The following DLG2 variants were observed in gnomAD, a reference collection of about 807,000 sequenced individuals.
The protein encoded by DLG2 is discs large MAGUK scaffold protein 2.
A neutral mutation model predicts 132.5 loss-of-function variants in DLG2; 45 were observed. The observed-to-expected ratio is 0.34, with a 90% CI of 0.27 to 0.44. DLG2 has a LOEUF of 0.44. Among genes scored for constraint, DLG2 ranks in the 20% least tolerant of loss-of-function variants. The pLI, the probability that DLG2 is intolerant of heterozygous loss-of-function variation, is 1.00. For missense variants in DLG2, 1,045 were observed against 1,196.9 expected, an observed-to-expected ratio of 0.87 and a Z score of 1.87; for synonymous variants, 424 against 419.6, an observed-to-expected ratio of 1.01 and a Z score of -0.13.
chr11:85,366,661 A>AT (rs1294136862), intron 3 of DLG2, among the ~76,000 whole-genome samples: 1 of 152,110 alleles, frequency 6.6e-6, no homozygotes, highest in Non-Finnish European at 1.5e-5. Flanking sequence ...ATATCTCAGA[A>AT]TTTTTGGGGG....
At chr11:83,515,455 T>C (rs2095258194) in intron 21 of DLG2, among the ~76,000 whole-genome samples, 1 of 152,210 alleles carries the variant, frequency 6.6e-6, no homozygotes. Flanking sequence ...TCGATTTTGT[T>C]GATCTTTTCA....
chr11:83,605,390 A>G (rs2059196269), intron 19 of DLG2, among the ~76,000 whole-genome samples: 1 of 152,234 alleles, frequency 6.6e-6, no homozygotes, highest in Admixed American at 6.5e-5. Flanking sequence ...AGAAAAAAAC[A>G]AAACACGTAA....
At chr11:84,596,234 C>A (rs1359118548) in intron 6 of DLG2, among the ~76,000 whole-genome samples, 1 of 150,520 alleles carries the variant, frequency 6.6e-6, no homozygotes, top group East Asian at 2.0e-4. Context: ...CTTGACGGAG[C>A]TTTGCTCTTA....
chr11:83,492,880 G>T (rs945877627), intron 21 of DLG2, among the ~76,000 whole-genome samples: 1 of 151,936 alleles, frequency 6.6e-6, no homozygotes, highest in Non-Finnish European at 1.5e-5. Flanking sequence ...ACCTATTCCT[G>T]CTGCACTTTA....
At chr11:84,910,691 T>A (rs1021032493) in intron 6 of DLG2, among the ~76,000 whole-genome samples, 3 of 152,032 alleles carry the variant, frequency 2.0e-5, no homozygotes, top group African/African-American at 7.3e-5. Flanking sequence ...GGCAGGAGGA[T>A]AGTTTGAGCC....
At chr11:84,062,926 A>C (rs764898266) in intron 10 of DLG2, among the ~76,000 whole-genome samples, 13 of 152,100 alleles carry the variant, frequency 8.5e-5, no homozygotes, top group Admixed American at 6.6e-4. Context: ...CCAGTAGATA[A>C]ACTTTGTGAG....
intron 8 of DLG2, among the ~76,000 whole-genome samples, chr11:84,227,541 T>C (rs1437550704): frequency 1.2e-4 from 19 of 152,202 alleles, no homozygotes; most frequent in Admixed American, 1.2e-3. Flanking sequence ...TATATTAAAC[T>C]ATAATCATCT....
At chr11:85,088,692 A>G (rs1353995702) in intron 6 of DLG2, among the ~76,000 whole-genome samples, 2 of 152,206 alleles carry the variant, frequency 1.3e-5, no homozygotes, top group African/African-American at 4.8e-5. Context: ...CGTTCCCAGT[A>G]TGGAATGTCT....
At chr11:84,206,225 G>A (rs1272508162) in intron 8 of DLG2, among the ~76,000 whole-genome samples, 1 of 152,000 alleles carries the variant, frequency 6.6e-6, no homozygotes, top group Non-Finnish European at 1.5e-5. Context: ...GAATCGTCCT[G>A]CATCTGTTGA....
chr11:85,277,998 C>A (rs756229266), intron 4 of DLG2, among the ~76,000 whole-genome samples: 1 of 152,172 alleles, frequency 6.6e-6, no homozygotes, highest in Non-Finnish European at 1.5e-5. Flanking sequence ...TGAAGAAAAG[C>A]ATTTAAATGC....
intron 19 of DLG2, among the ~76,000 whole-genome samples, chr11:83,547,182 A>G (rs1324211477): frequency 6.6e-6 from 1 of 152,156 alleles, no homozygotes; most frequent in East Asian, 1.9e-4. Context: ...GCAGCGAATG[A>G]TGAGGATGGA....
chr11:85,490,055 G>C (rs1210106137), intron 3 of DLG2, among the ~76,000 whole-genome samples: 1 of 152,066 alleles, frequency 6.6e-6, no homozygotes, highest in Non-Finnish European at 1.5e-5. Flanking sequence ...AGGTGCAGTG[G>C]TATGTACCTG....
chr11:84,320,293 A>G (rs1306067426), intron 7 of DLG2, among the ~76,000 whole-genome samples: 1 of 152,216 alleles, frequency 6.6e-6, no homozygotes, highest in Admixed American at 6.5e-5. Context: ...AATAAAAAAT[A>G]GCAAAAATGG....
At position 84,752,804 on chromosome 11, in the gene DLG2, T is replaced by A. The variant is rs554263199; in HGVS notation, c.358-218073A>T. ...TCATTGTTCAATTCCCACCTATGAG[T>A]GAGAATATGCGGTGTTTGGTTTTTT... On this transcript the variant is annotated intron_variant, in intron 6 of 27. Transcript: ENST00000376104. 4.3e-5 allele frequency among the ~76,000 whole-genome samples: 6 copies of A among 140,882 alleles called. No homozygotes were observed. In the East Asian group the frequency reaches 1.3e-3, roughly 30 times the overall value. 92.4% of individuals were successfully genotyped at this position (140,882 alleles called of 152,430 possible).
chr11:83,916,007 C>T (rs1375084235), intron 15 of DLG2, among the ~76,000 whole-genome samples: 1 of 152,132 alleles, frequency 6.6e-6, no homozygotes, highest in African/African-American at 2.4e-5. Context: ...TGGCTCTTTG[C>T]GATTGTCTTC....
intron 18 of DLG2, among the ~76,000 whole-genome samples, chr11:83,746,700 C>T (rs2092939714): frequency 6.6e-6 from 1 of 152,070 alleles, no homozygotes; most frequent in Non-Finnish European, 1.5e-5. Context: ...ACGTTGTGCA[C>T]ATGTACCCTA....
intron 8 of DLG2, among the ~76,000 whole-genome samples, chr11:84,237,014 C>T (rs866596308): frequency 7.9e-5 from 12 of 151,738 alleles, no homozygotes; most frequent in East Asian, 3.9e-4. Context: ...CTGCAACCTC[C>T]GCCTCCCGGG....
intron 18 of DLG2, among the ~76,000 whole-genome samples, chr11:83,721,361 A>C (rs981147586): frequency 6.6e-6 from 1 of 152,230 alleles, no homozygotes; most frequent in Non-Finnish European, 1.5e-5. Context: ...AACACAATTC[A>C]AACTTTAGCT....
intron 6 of DLG2, among the ~76,000 whole-genome samples, chr11:85,086,949 CT>C (rs1358387726): frequency 6.6e-6 from 1 of 152,070 alleles, no homozygotes; most frequent in Non-Finnish European, 1.5e-5. Context: ...ATGTATATGT[CT>C]TTTGTTTTTT....
Sources: allele counts gnomAD v4.1 joint callset (sites outside exome capture counted in the v4.1 genomes callset), GRCh38; gene constraint gnomAD v4.1.1; transcripts MANE v1.5; gene names NCBI Gene and HGNC (gene_info 2026-07-23, HGNC 2026-07-21).